CCDC172: variants seen among roughly 807,000 people sequenced by gnomAD.
The protein encoded by CCDC172 is coiled-coil domain-containing protein 172.
Under a neutral mutation model 38.0 loss-of-function variants are expected in CCDC172, and 30 were observed. The ratio of observed to expected loss-of-function variants is 0.79; its 90% CI spans 0.59 to 1.07. The LOEUF (loss-of-function observed/expected upper bound fraction) is 1.07. Ranked by LOEUF, CCDC172 falls within the 50% of genes least tolerant of loss-of-function variation. The probability of loss-of-function intolerance (pLI) is 0.00; values close to 1 mark genes in which losing one functional copy is unlikely to be tolerated. For synonymous variants in CCDC172, 78 were observed against 88.3 expected (o/e 0.88, Z 0.66); for missense variants, 297 against 290.1 (o/e 1.02, Z -0.17).
chr10:116,356,570 C>T (rs527524591), intron 5 of CCDC172, among the ~76,000 whole-genome samples: 161 of 152,026 alleles, frequency 1.1e-3, no homozygotes, highest in Non-Finnish European at 1.9e-3. Flanking sequence ...TGTGGAACAA[C>T]ATAAAAGAAT....
chr10:116,335,238 T>G (rs1844714018), intron 3 of CCDC172, among the ~76,000 whole-genome samples: 1 of 152,064 alleles, frequency 6.6e-6, no homozygotes, highest in East Asian at 1.9e-4. Context: ...AAAATGACTG[T>G]TGTCACCTGA....
At chr10:116,368,257 C>G (rs2134964764) in intron 7 of CCDC172, among the ~76,000 whole-genome samples, 1 of 152,184 alleles carries the variant, frequency 6.6e-6, no homozygotes, top group East Asian at 1.9e-4. Context: ...TATCCTTTCC[C>G]CAATAACCCT....
intron 7 of CCDC172, among the ~76,000 whole-genome samples, chr10:116,372,744 AATAAAG>A (rs1228806186): frequency 1.3e-5 from 2 of 152,304 alleles, no homozygotes; most frequent in South Asian, 4.1e-4. Flanking sequence ...ACCTCTGAAA[AATAAAG>A]ATAAAGAGAA....
chr10:116,378,993 C>G (rs1845281161), intron 8 of CCDC172, among the ~76,000 whole-genome samples: 2 of 152,036 alleles, frequency 1.3e-5, no homozygotes, highest in Non-Finnish European at 1.5e-5. Flanking sequence ...TGTAGGAGCA[C>G]TTTAAATTGC....
intron 3 of CCDC172, among the ~76,000 whole-genome samples, chr10:116,335,627 C>A (rs1388447634): frequency 6.6e-6 from 1 of 151,870 alleles, no homozygotes; most frequent in Non-Finnish European, 1.5e-5. Flanking sequence ...AATATAACAT[C>A]TTTTTCTGTT....
intron 5 of CCDC172, among the ~76,000 whole-genome samples, chr10:116,348,041 T>G (rs1844887755): frequency 6.6e-6 from 1 of 152,216 alleles, no homozygotes; most frequent in African/African-American, 2.4e-5. Flanking sequence ...GAGATTCATC[T>G]TTGTGTGTGT....
intron 7 of CCDC172, among the ~76,000 whole-genome samples, chr10:116,378,029 A>G (rs1053367117): frequency 6.6e-6 from 1 of 152,040 alleles, no homozygotes; most frequent in Non-Finnish European, 1.5e-5. Context: ...AAAAACACAA[A>G]AATTAGCTGA....
chr10:116,327,755 G>A (rs539084324), intron 3 of CCDC172, among the ~76,000 whole-genome samples: 4 of 152,114 alleles, frequency 2.6e-5, no homozygotes, highest in African/African-American at 7.2e-5. Flanking sequence ...GAAATAGTTT[G>A]ATTTGTATTA....
chr10:116,375,183 A>G (rs1386771961), intron 7 of CCDC172, among the ~76,000 whole-genome samples: 1 of 152,022 alleles, frequency 6.6e-6, no homozygotes, highest in Non-Finnish European at 1.5e-5. Flanking sequence ...TTACTTTATA[A>G]TGGCTTTCCT....
intron 2 of CCDC172, 53 bp downstream of exon 2, chr10:116,325,143 G>C (rs1047759572): frequency 1.9e-6 from 3 of 1,574,902 alleles, no homozygotes; most frequent in Admixed American, 3.3e-5. Context: ...GATGCTGGGT[G>C]CTTGGAGCAG....
intron 7 of CCDC172, among the ~76,000 whole-genome samples, chr10:116,378,072 T>C (rs994468873): frequency 1.3e-5 from 2 of 151,996 alleles, no homozygotes; most frequent in African/African-American, 2.4e-5. Flanking sequence ...TCCCAGCTAC[T>C]TGGGAGGCTG....
At chr10:116,369,870 T>C (rs1264829315) in intron 7 of CCDC172, among the ~76,000 whole-genome samples, 1 of 151,854 alleles carries the variant, frequency 6.6e-6, no homozygotes, top group Non-Finnish European at 1.5e-5. Flanking sequence ...GCCAAAAGAG[T>C]TTGTTGTCAA....
intron 3 of CCDC172, among the ~76,000 whole-genome samples, chr10:116,325,711 A>G (rs930466228): frequency 5.9e-5 from 9 of 152,252 alleles, no homozygotes; most frequent in Non-Finnish European, 7.3e-5. Flanking sequence ...TTGGTGCAGT[A>G]TATACATTTT....
chr10:116,325,444 C>A, intron 3 of CCDC172, 56 bp downstream of exon 3: 1 of 1,353,156 alleles, frequency 7.4e-7, no homozygotes, highest in Non-Finnish European at 1.0e-6. Context: ...CTTAACTTGA[C>A]TTTTGGGGGA....
intron 8 of CCDC172, among the ~76,000 whole-genome samples, chr10:116,378,942 A>T (rs941141508): frequency 1.3e-5 from 2 of 152,136 alleles, no homozygotes; most frequent in Non-Finnish European, 2.9e-5. Flanking sequence ...TATAATCTCA[A>T]AAACCTTGAA....
chr10:116,346,881 C>T (rs1445478579), intron 5 of CCDC172, among the ~76,000 whole-genome samples: 4 of 151,944 alleles, frequency 2.6e-5, no homozygotes, highest in African/African-American at 9.7e-5. Flanking sequence ...GTGCTGGCCC[C>T]AACAGTATGA....
In CCDC172 at chr10:116,324,960, G is replaced by A; in HGVS notation, c.-52G>A. The A allele has an allele frequency of 7.1e-7, 1 of 1,414,008 alleles. No homozygotes were observed. The highest frequency in any genetic ancestry group is 1.0e-6 in the Non-Finnish European group (1 of 998,934). The allele number at this position is 1,414,008 out of a possible 1,614,324, so 87.6% of individuals were successfully genotyped here. A position where few individuals can be genotyped will look rare whatever the true frequency, so the allele number is the denominator to read the frequency against. On this transcript the variant is annotated 5_prime_UTR_variant, in exon 2 of 9. The change creates a premature stop within an existing upstream ORF in the 5' untranslated region. Transcript: ENST00000333254. ...TCTGCTTTCCAGGATCCTCAGAGTTGGTTATAAAATATTTAAGGGCGAGAA... is the reference window on the plus strand; with the variant it reads ...TCTGCTTTCCAGGATCCTCAGAGTTAGTTATAAAATATTTAAGGGCGAGAA...
rs544600833 is a variant in CCDC172 at position 116,347,011 on chromosome 10, C to T, written c.448+4810C>T. On this transcript the variant is annotated intron_variant, in intron 5 of 8. Coordinates refer to ENST00000333254, the MANE Select transcript of CCDC172 (RefSeq NM_198515.3). Reference sequence around the variant, plus strand: ...AAGGAAGATTTCCCTGAACAAGTTGCCTTCAGAGTGAGGTCTGAAGAATGA... The same window carrying T: ...AAGGAAGATTTCCCTGAACAAGTTGTCTTCAGAGTGAGGTCTGAAGAATGA... Among the ~76,000 whole-genome samples the T allele has an allele frequency of 2.0e-5, 3 of 152,198 alleles. No individual in the cohort carries two copies. The South Asian group carries it at 6.2e-4, about 32-fold the overall frequency.
At chr10:116,335,527 A>G (rs1033484880) in intron 3 of CCDC172, among the ~76,000 whole-genome samples, 1 of 151,878 alleles carries the variant, frequency 6.6e-6, no homozygotes, top group African/African-American at 2.4e-5. Flanking sequence ...AAAAAGAACC[A>G]AAATCATTGG....
Sources: gnomAD v4.1 joint callset for allele counts (sites outside exome capture counted in the v4.1 genomes callset) on GRCh38, gnomAD v4.1.1 for gene constraint, MANE v1.5 for transcripts, NCBI Gene and HGNC (gene_info 2026-07-23, HGNC 2026-07-21) for gene names.